The following GRAMD4 variants were observed in gnomAD, a reference collection of about 807,000 sequenced individuals.
GRAMD4 encodes GRAM domain containing 4.
Under a neutral mutation model 83.9 loss-of-function variants are expected in GRAMD4, and 25 were observed. That is an observed-to-expected ratio of 0.30 (90% CI 0.22 to 0.42). The LOEUF (loss-of-function observed/expected upper bound fraction) is 0.42, where lower values mean the gene tolerates loss of function less well. GRAMD4 is among the 10% of genes least tolerant of loss of function. GRAMD4 has a pLI of 1.00. For synonymous variants in GRAMD4, 336 were observed against 320.9 expected (o/e 1.05, Z -0.50); for missense variants, 593 against 788.7 (o/e 0.75, Z 2.97).
chr22:46,673,812 C>G lies in GRAMD4; in HGVS notation c.1382C>G (p.Ala461Gly). The G allele has an allele frequency of 6.2e-7, 1 of 1,612,800 alleles. No individual in the cohort carries two copies. The highest frequency in any genetic ancestry group is 8.5e-7 in the Non-Finnish European group (1 of 1,179,902). Residue 461 changes from alanine (A) to glycine (G), a missense_variant and splice_region_variant, in exon 15 of 19, where the codon GCG (alanine) becomes GGG (glycine). By Grantham distance (60) the Ala-to-Gly change is moderately conservative. This residue lies in a region of GRAMD4 where 171 missense variants were observed against 199.6 expected (regional missense o/e 0.86). Transcript: ENST00000406902. The stretch of plus-strand genomic sequence containing the variant: ...CTGACAGAAAACGAGCGTCCGCTGG[C>G]GGGTATGTGTGCCGTGAGTCTGAGG... ...FNLTENERPLAVCENGWRCCL... is the reference protein window; with the variant it reads ...FNLTENERPLGVCENGWRCCL...
upstream of GRAMD4, among the ~76,000 whole-genome samples, chr22:46,617,559 G>A (rs2081521265): frequency 6.6e-6 from 1 of 152,070 alleles, no homozygotes; most frequent in Admixed American, 6.5e-5. Flanking sequence ...CTCTGTGTTG[G>A]GTCCTTAAAC....
chr22:46,652,737 A>T (rs2542021), intron 3 of GRAMD4, among the ~76,000 whole-genome samples: 1 of 152,254 alleles, frequency 6.6e-6, no homozygotes, highest in African/African-American at 2.4e-5. Context: ...GTGCCTGGAC[A>T]GGGGCCGGGG....
chr22:46,624,535 G>A (rs1306842735), intron 1 of GRAMD4, among the ~76,000 whole-genome samples: 5 of 151,892 alleles, frequency 3.3e-5, no homozygotes, highest in African/African-American at 1.2e-4. Context: ...CACCATGTTG[G>A]CCAGATGGTC....
chr22:46,679,027 G>A lies in GRAMD4; in HGVS notation c.*1776G>A. On this transcript the variant is annotated 3_prime_UTR_variant, in exon 19 of 19. Transcript: ENST00000406902. ...GGACTGGCTCTCTTGGTGCACCAGGGGAGGGGGACATATCCCAGTGAACCC... is the reference window on the plus strand; with the variant it reads ...GGACTGGCTCTCTTGGTGCACCAGGAGAGGGGGACATATCCCAGTGAACCC... 1.0e-6 allele frequency: 1 copy of A among 985,686 alleles called. No homozygotes were observed. The highest frequency in any genetic ancestry group is 1.2e-6 in the Non-Finnish European group (1 of 829,956). 61.1% of individuals were successfully genotyped at this position (985,686 alleles called of 1,614,324 possible).
upstream of GRAMD4, among the ~76,000 whole-genome samples, chr22:46,576,857 G>T (rs1602276948): frequency 6.9e-6 from 1 of 145,796 alleles, no homozygotes; most frequent in African/African-American, 2.5e-5. Context: ...GGCCGGCGGC[G>T]GCCGCGCGTG....
At chr22:46,638,606 G>A (rs897078966) in intron 3 of GRAMD4, among the ~76,000 whole-genome samples, 11 of 152,220 alleles carry the variant, frequency 7.2e-5, no homozygotes, top group Non-Finnish European at 1.3e-4. Flanking sequence ...GGAAACTGAG[G>A]CACAGAGGGT....
intron 3 of GRAMD4, among the ~76,000 whole-genome samples, chr22:46,643,141 T>TCCC (rs2082005534): frequency 8.8e-4 from 4 of 4,524 alleles, no homozygotes; most frequent in South Asian, 9.4e-3. Flanking sequence ...CCATGCATCC[T>TCCC]TCCATCCATC....
chr22:46,613,762 A>G (rs774969098), intron 1 of GRAMD4, among the ~76,000 whole-genome samples: 9 of 152,120 alleles, frequency 5.9e-5, no homozygotes, highest in Non-Finnish European at 7.4e-5. Flanking sequence ...GTGCTGCCAT[A>G]CACACCCCCT....
intron 16 of GRAMD4, among the ~76,000 whole-genome samples, chr22:46,674,971 C>T (rs948125238): frequency 5.3e-5 from 8 of 152,198 alleles, no homozygotes; most frequent in Non-Finnish European, 1.0e-4. Context: ...CTCAGGCTGG[C>T]GGGGATGCTG....
At position 46,658,182 on chromosome 22, in the gene GRAMD4, C is replaced by G. The variant is rs771113211; in HGVS notation, c.284-5C>G. 6.8e-6 allele frequency: 11 copies of G among 1,613,650 alleles called. No individual in the cohort carries two copies. Among genetic ancestry groups the G allele is most frequent in the South Asian group, 1.1e-5 (1 of 91,052 alleles). On this transcript the variant is annotated splice_region_variant and splice_polypyrimidine_tract_variant and intron_variant, in intron 3 of 18. Coordinates refer to ENST00000406902, the MANE Select transcript of GRAMD4 (RefSeq NM_015124.5). ...ATGGTCACCTGGCCGTTCTCTCCCCCATAGAGGAGGAGCTCCGGAAGCTGC... is the reference window on the plus strand; with the variant it reads ...ATGGTCACCTGGCCGTTCTCTCCCCGATAGAGGAGGAGCTCCGGAAGCTGC...
chr22:46,656,261 G>A (rs2082243048), intron 3 of GRAMD4, among the ~76,000 whole-genome samples: 1 of 152,246 alleles, frequency 6.6e-6, no homozygotes, highest in Non-Finnish European at 1.5e-5. Flanking sequence ...TCTCTGGTTA[G>A]TAACAGCGAG....
chr22:46,632,190 G>GC (rs1331080061), intron 2 of GRAMD4, among the ~76,000 whole-genome samples: 1 of 152,212 alleles, frequency 6.6e-6, no homozygotes, highest in Non-Finnish European at 1.5e-5. Flanking sequence ...GGCTTGAGGG[G>GC]CCCACGAGGC....
chr22:46,680,604 ATT>A (rs1245811875), downstream of GRAMD4, among the ~76,000 whole-genome samples: 27 of 96,470 alleles, frequency 2.8e-4, no homozygotes, highest in African/African-American at 6.6e-4. Flanking sequence ...CCACCCACCC[ATT>A]CATCCATCCA....
chr22:46,635,189 C>G (rs201136340), intron 2 of GRAMD4, among the ~76,000 whole-genome samples: 49 of 116,492 alleles, frequency 4.2e-4, no homozygotes, highest in African/African-American at 9.7e-4. Flanking sequence ...ACCGTGTCCT[C>G]CCTGCCCCCG....
chr22:46,588,125 C>T (rs1182115418), intron 1 of GRAMD4, among the ~76,000 whole-genome samples: 1 of 152,060 alleles, frequency 6.6e-6, no homozygotes, highest in African/African-American at 2.4e-5. Flanking sequence ...CAGAGTCTCT[C>T]TCTAAACCGG....
chr22:46,635,752 G>GCC lies in GRAMD4; in HGVS notation c.163-2085_163-2084dup, dbSNP rs1164508211. 3.6e-3 allele frequency among the ~76,000 whole-genome samples: 195 copies of GCC among 54,418 alleles called. 2 individuals carry two copies. The highest frequency in any genetic ancestry group is 4.6e-3 in the Non-Finnish European group (130 of 28,050). The allele number at this position is 54,418 out of a possible 152,430, so 35.7% of individuals were successfully genotyped here. On this transcript the variant is annotated intron_variant, in intron 2 of 18. Coordinates refer to ENST00000406902, the MANE Select transcript of GRAMD4 (RefSeq NM_015124.5). ...GGGGCCCGTGTCCTCCCTGCCCCCC[G>GCC]CCCCTGGCCACTCCTGTCCTAGGTG...
rs372768730 is a variant in GRAMD4 at position 46,673,818 on chromosome 22, T to C, written c.1384+4T>C. On this transcript the variant is annotated splice_donor_region_variant and intron_variant, in intron 15 of 18. Transcript: ENST00000406902. ...GAAAACGAGCGTCCGCTGGCGGGTA[T>C]GTGTGCCGTGAGTCTGAGGCCAGGC... The C allele has an allele frequency of 7.4e-6, 12 of 1,612,632 alleles. No individual in the cohort carries two copies. The highest frequency in any genetic ancestry group is 3.3e-4 in the Middle Eastern group (2 of 6,060).
upstream of GRAMD4, among the ~76,000 whole-genome samples, chr22:46,576,566 G>T (rs1328298716): frequency 6.6e-6 from 1 of 152,224 alleles, no homozygotes; most frequent in Non-Finnish European, 1.5e-5. Flanking sequence ...TGGGATGGGC[G>T]CGCCAGGTAC....
chr22:46,623,642 C>A (rs536323540), intron 1 of GRAMD4, among the ~76,000 whole-genome samples: 12 of 152,092 alleles, frequency 7.9e-5, no homozygotes, highest in African/African-American at 2.9e-4. Context: ...GTGATCCGCC[C>A]GCCCCGGCCT....
Sources: gnomAD v4.1 joint callset for allele counts (sites outside exome capture counted in the v4.1 genomes callset) on GRCh38, gnomAD v4.1.1 for gene constraint, gnomAD v4.1.1 regional missense constraint, MANE v1.5 for transcripts, NCBI Gene and HGNC (gene_info 2026-07-23, HGNC 2026-07-21) for gene names.